Variants in SMARCA5 observed in about 807,000 individuals in gnomAD.
SMARCA5 encodes the protein SNF2 related chromatin remodeling ATPase 5.
Under a neutral mutation model 140.4 loss-of-function variants are expected in SMARCA5, and 18 were observed. The observed-to-expected ratio is 0.13, with a 90% CI of 0.09 to 0.19. The LOEUF is 0.19. SMARCA5 is among the 10% of genes least tolerant of loss of function. The pLI, the probability that SMARCA5 is intolerant of heterozygous loss-of-function variation, is 1.00. For synonymous variants in SMARCA5, 449 were observed against 419.6 expected (o/e 1.07, Z -0.86); for missense variants, 606 against 1,276.8 (o/e 0.47, Z 8.01).
intron 14 of SMARCA5, among the ~76,000 whole-genome samples, chr4:143,542,406 G>A (rs997105247): frequency 6.6e-6 from 1 of 152,128 alleles, no homozygotes; most frequent in Non-Finnish European, 1.5e-5. Flanking sequence ...ACATCTGAAG[G>A]TTCCGGAACC....
chr4:143,519,275 A>G (rs539890652), intron 2 of SMARCA5, among the ~76,000 whole-genome samples: 3 of 152,250 alleles, frequency 2.0e-5, no homozygotes, highest in East Asian at 1.9e-4. Context: ...CTTCAGGTAT[A>G]CTCAAGATGT....
intron 15 of SMARCA5, 23 bp downstream of exon 15, chr4:143,543,680 C>T: frequency 1.3e-6 from 2 of 1,573,776 alleles, no homozygotes; most frequent in Non-Finnish European, 1.7e-6. Context: ...TTAAATAATG[C>T]TTTTAATATA....
rs532675407 is a variant in SMARCA5 at position 143,518,030 on chromosome 4, C to A, written c.252+601C>A. On this transcript the variant is annotated intron_variant, in intron 2 of 23. Transcript: ENST00000283131. Reference sequence around the variant, plus strand: ...ACCTTTAAAAATTTAACCTTGGAAGCGAGGTGAAGACCAGAATAGTTACTC... The same window carrying A: ...ACCTTTAAAAATTTAACCTTGGAAGAGAGGTGAAGACCAGAATAGTTACTC... Among the ~76,000 whole-genome samples, 34 of 152,010 alleles carry A rather than the reference C, an allele frequency of 2.2e-4. 1 individual carries two copies. The highest frequency in any genetic ancestry group is 2.5e-4 in the Non-Finnish European group (17 of 67,992).
chr4:143,553,280 C>A lies in SMARCA5; in HGVS notation c.*96C>A. The A allele has an allele frequency of 2.5e-6, 2 of 812,204 alleles. No individual in the cohort carries two copies. The highest frequency in any genetic ancestry group is 4.2e-6 in the Non-Finnish European group (2 of 473,076). 50.3% of individuals were successfully genotyped at this position (812,204 alleles called of 1,614,324 possible). A position where few individuals can be genotyped will look rare whatever the true frequency, so the allele number is the denominator to read the frequency against. On this transcript the variant is annotated 3_prime_UTR_variant, in exon 24 of 24. Transcript: ENST00000283131. ...ACTGTACAATGCTCAATTGTTATGT[C>A]ATTTAAAGACATCAGGTTCATCTGT...
rs1736959756 is a variant in SMARCA5, at chr4:143,521,581, A to G, written c.405A>G (p.Leu135=). 6.2e-7 allele frequency: 1 copy of G among 1,612,644 alleles called. No individual in the cohort carries two copies. The highest frequency in any genetic ancestry group is 8.5e-7 in the Non-Finnish European group (1 of 1,179,480). ...PRIKKDEKQN[L]LSVGDYRHRR... is the part of the protein sequence containing the mutation. ...TAAAAAAAGATGAGAAGCAGAACTT[A>G]CTATCCGTTGGCGAGTGAGTAATAG... The change falls in exon 3 of 24, where the codon TTA becomes TTG. Residue 135 remains leucine, a synonymous_variant. Transcript: ENST00000283131.
chr4:143,539,238 T>A (rs1295718215), intron 13 of SMARCA5, among the ~76,000 whole-genome samples: 1 of 152,092 alleles, frequency 6.6e-6, no homozygotes, highest in Non-Finnish European at 1.5e-5. Context: ...TGAAAGAGCC[T>A]CCTTGTCTCT....
intron 23 of SMARCA5, among the ~76,000 whole-genome samples, chr4:143,551,755 C>T (rs1188934453): frequency 6.6e-6 from 1 of 151,984 alleles, no homozygotes. Flanking sequence ...TTCTTTTCCA[C>T]TGTTGCACTG....
chr4:143,541,439 G>A (rs114206650), intron 14 of SMARCA5, among the ~76,000 whole-genome samples: 1 of 152,280 alleles, frequency 6.6e-6, no homozygotes, highest in African/African-American at 2.4e-5. Context: ...GCTATTCATA[G>A]TGTTAGCCAT....
At chr4:143,518,454 G>T (rs1037506417) in intron 2 of SMARCA5, among the ~76,000 whole-genome samples, 5 of 152,150 alleles carry the variant, frequency 3.3e-5, no homozygotes, top group Non-Finnish European at 7.4e-5. Flanking sequence ...CTCCTGTAGG[G>T]TAAAAACAGT....
At chr4:143,518,491 T>C (rs1025713157) in intron 2 of SMARCA5, among the ~76,000 whole-genome samples, 23 of 152,318 alleles carry the variant, frequency 1.5e-4, no homozygotes, top group African/African-American at 4.8e-4. Flanking sequence ...CTGTCTTCAG[T>C]ACCCAGAACA....
rs188728369 is a variant in SMARCA5, at chr4:143,549,214, A to G, written c.2986-783A>G. ...TCCATGTTAAGATGCACAAAAAATG[A>G]TAATGTATTCTTCTATCTCTATATA... On this transcript the variant is annotated intron_variant, in intron 22 of 23. Coordinates refer to ENST00000283131, the MANE Select transcript of SMARCA5 (RefSeq NM_003601.4). Among the ~76,000 whole-genome samples the G allele has an allele frequency of 3.9e-4, 59 of 152,152 alleles. No homozygotes were observed. In the East Asian group the frequency reaches 8.5e-3, roughly 22 times the overall value.
At chr4:143,517,745 T>G (rs1736869903) in intron 2 of SMARCA5, among the ~76,000 whole-genome samples, 1 of 152,166 alleles carries the variant, frequency 6.6e-6, no homozygotes, top group African/African-American at 2.4e-5. Flanking sequence ...AGTAATCTTT[T>G]CCTAATCACC....
chr4:143,517,230 T>G (rs1353351937), intron 1 of SMARCA5, 125 bp from the exon 2 acceptor site: 22 of 612,802 alleles, frequency 3.6e-5, no homozygotes, highest in Non-Finnish European at 5.7e-5. Context: ...GACAGCTGTT[T>G]AAGTTTCTAG....
chr4:143,551,541 A>ATCAAAAT (rs1737640373), intron 23 of SMARCA5, among the ~76,000 whole-genome samples: 1 of 152,096 alleles, frequency 6.6e-6, no homozygotes, highest in Non-Finnish European at 1.5e-5. Context: ...GAGGACTTAA[A>ATCAAAAT]GTCTTTAATA....
chr4:143,517,083 GTTTTC>G (rs1251811783), intron 1 of SMARCA5, among the ~76,000 whole-genome samples: 2 of 152,126 alleles, frequency 1.3e-5, no homozygotes, highest in South Asian at 2.1e-4. Flanking sequence ...ATTAAATGTA[GTTTTC>G]TTTTAGGATG....
intron 8 of SMARCA5, among the ~76,000 whole-genome samples, chr4:143,529,791 G>T (rs1221715276): frequency 6.6e-6 from 1 of 151,998 alleles, no homozygotes; most frequent in African/African-American, 2.4e-5. Context: ...AGATTGTGTT[G>T]TAAAAAGATA....
Position 143,553,195 on chromosome 4 carries a change from G to C in SMARCA5, c.*11G>C. The C allele has an allele frequency of 6.3e-7, 1 of 1,598,486 alleles. No individual in the cohort carries two copies. Among genetic ancestry groups the C allele is most frequent in the Non-Finnish European group, 8.6e-7 (1 of 1,166,154 alleles). On this transcript the variant is annotated 3_prime_UTR_variant, in exon 24 of 24. Coordinates refer to ENST00000283131, the MANE Select transcript of SMARCA5 (RefSeq NM_003601.4). ...AAGCTGAAACTATGAATATGTTTTT[G>C]TTTCATAATCACTAACTTTAAACCA...
chr4:143,514,793 A>G (rs1178516437), intron 1 of SMARCA5, among the ~76,000 whole-genome samples: 1 of 152,168 alleles, frequency 6.6e-6, no homozygotes, highest in Non-Finnish European at 1.5e-5. Flanking sequence ...GAATAAGTGT[A>G]GGAATGAATT....
intron 3 of SMARCA5, 69 bp downstream of exon 3, chr4:143,521,664 A>G (rs558450946): frequency 7.6e-7 from 1 of 1,310,612 alleles, no homozygotes; most frequent in East Asian, 2.4e-5. Context: ...GAAGCATAAA[A>G]TCACTATGAT....
Sources: allele counts gnomAD v4.1 joint callset (sites outside exome capture counted in the v4.1 genomes callset), GRCh38; gene constraint gnomAD v4.1.1; transcripts MANE v1.5; gene names NCBI Gene and HGNC (gene_info 2026-07-23, HGNC 2026-07-21).